The following PDE11A variants were observed in gnomAD, a reference collection of about 807,000 sequenced individuals.
PDE11A encodes phosphodiesterase 11A.
Under a neutral mutation model 100.5 loss-of-function variants are expected in PDE11A, and 100 were observed. The observed-to-expected ratio is 1.00, with a 90% confidence interval of 0.85 to 1.18. The LOEUF (loss-of-function observed/expected upper bound fraction) is 1.18. PDE11A is among the 50% of genes most tolerant of loss of function. PDE11A has a pLI of 0.00. For missense variants in PDE11A, 1,141 were observed against 1,152.6 expected, an observed-to-expected ratio of 0.99 and a Z score of 0.15; for synonymous variants, 381 against 420.8, an observed-to-expected ratio of 0.91 and a Z score of 1.16.
intron 17 of PDE11A, among the ~76,000 whole-genome samples, chr2:177,672,276 T>A (rs1384270437): frequency 6.6e-6 from 1 of 152,220 alleles, no homozygotes; most frequent in Non-Finnish European, 1.5e-5. Flanking sequence ...ACACTGAAAT[T>A]TAAACCAAAG....
At position 177,817,890 on chromosome 2, in the gene PDE11A, G is replaced by C. The variant is rs759017607; in HGVS notation, c.1612C>G (p.Pro538Ala). Residue 538 changes from proline to alanine, a missense_variant, in exon 8 of 20, where the codon CCT becomes GCT. Physicochemically the swap from Pro to Ala is conservative, Grantham distance 27. Coordinates refer to ENST00000286063, the MANE Select transcript of PDE11A (RefSeq NM_016953.4). The part of the protein sequence containing the change: ...AQVLNRLDGK[P>A]FDDADQRLFE... ...AGTCGTTGATCTGCATCATCAAAAG[G>C]TTTCCCATCAAGTCTGTTTAACACT... The C allele has an allele frequency of 2.6e-6, 4 of 1,550,946 alleles. No individual in the cohort carries two copies. The Admixed American group carries it at 6.7e-5, about 26-fold the overall frequency.
chr2:177,772,713 T>TAAAAA (rs58575142), intron 9 of PDE11A, among the ~76,000 whole-genome samples: 5,050 of 141,422 alleles, frequency 0.036, 326 homozygotes, highest in African/African-American at 0.12. Context: ...TTCCTTTATT[T>TAAAAA]AAAAAAAAAA....
chr2:178,099,584 C>T (rs1442891190), intron 2 of PDE11A, among the ~76,000 whole-genome samples: 1 of 151,676 alleles, frequency 6.6e-6, no homozygotes, highest in Admixed American at 6.6e-5. Flanking sequence ...GCTGTTATCA[C>T]AAAAACAGAA....
intron 9 of PDE11A, among the ~76,000 whole-genome samples, chr2:177,810,364 A>T (rs752887720): frequency 6.6e-6 from 1 of 152,242 alleles, no homozygotes; most frequent in African/African-American, 2.4e-5. Flanking sequence ...TTCAAGGCAC[A>T]TATGTTTCAG....
chr2:177,728,103 C>T lies in PDE11A; in HGVS notation c.1858G>A (p.Val620Ile), dbSNP rs143303102. Reference protein sequence around the residue: ...DIHFDDFSLDVDAMITAALRM... With the variant: ...DIHFDDFSLDIDAMITAALRM... ...AGAGCAGCTGTGATCATGGCATCAA[C>T]GTCGAGAGAAAAGTCATCAAAATGA... Residue 620 changes from valine (V) to isoleucine (I), a missense_variant, in exon 11 of 20, where the codon GTT becomes ATT. Val to Ile is a conservative substitution (Grantham distance 29). Coordinates refer to ENST00000286063, the MANE Select transcript of PDE11A (RefSeq NM_016953.4). 3.3e-5 allele frequency: 53 copies of T among 1,612,176 alleles called. No individual in the cohort carries two copies. Among genetic ancestry groups the T allele is most frequent in the African/African-American group, 4.0e-5 (3 of 74,832 alleles).
intron 2 of PDE11A, among the ~76,000 whole-genome samples, chr2:177,988,928 G>T (rs1185326282): frequency 6.6e-6 from 1 of 152,234 alleles, no homozygotes; most frequent in African/African-American, 2.4e-5. Flanking sequence ...ACTCATCAGG[G>T]TTTCTAGATG....
At chr2:177,970,532 T>A (rs1341118247) in intron 2 of PDE11A, among the ~76,000 whole-genome samples, 4 of 151,650 alleles carry the variant, frequency 2.6e-5, no homozygotes, top group African/African-American at 4.9e-5. Context: ...ATGATGAAAC[T>A]CAGGACACAA....
chr2:177,691,265 C>A (rs911248468), intron 15 of PDE11A, among the ~76,000 whole-genome samples: 4 of 152,098 alleles, frequency 2.6e-5, no homozygotes, highest in African/African-American at 9.7e-5. Context: ...AATTTTCAAC[C>A]CCTGGTGCAC....
At chr2:177,737,421 A>G (rs2081804031) in intron 10 of PDE11A, among the ~76,000 whole-genome samples, 2 of 77,894 alleles carry the variant, frequency 2.6e-5, no homozygotes, top group African/African-American at 7.5e-5. Context: ...TACTAAAAAT[A>G]CACACACACA....
intron 10 of PDE11A, among the ~76,000 whole-genome samples, chr2:177,741,613 T>C (rs922316287): frequency 2.6e-5 from 4 of 152,238 alleles, no homozygotes; most frequent in Non-Finnish European, 5.9e-5. Flanking sequence ...CTTTCTCTCC[T>C]TGGTGCCTTA....
rs576175132 is a variant in PDE11A at position 177,720,640 on chromosome 2, T to A, written c.2043+7018A>T. ...GGACCAACAAACTCACATGTCTCCT[T>A]TACCAGAGTATGCAATGTAACAAGC... On this transcript the variant is annotated intron_variant, in intron 12 of 19. Transcript: ENST00000286063. Among the ~76,000 whole-genome samples the A allele has an allele frequency of 9.2e-5, 14 of 152,276 alleles. No homozygotes were observed. In the South Asian group the frequency reaches 2.7e-3, roughly 29 times the overall value.
chr2:177,815,312 C>A (rs1297826773), intron 9 of PDE11A, among the ~76,000 whole-genome samples: 1 of 152,148 alleles, frequency 6.6e-6, no homozygotes, highest in African/African-American at 2.4e-5. Flanking sequence ...TGCTTCATCT[C>A]ATTTAATTCT....
chr2:178,107,645 T>C (rs531551820), intron 1 of PDE11A, among the ~76,000 whole-genome samples: 1 of 152,038 alleles, frequency 6.6e-6, no homozygotes, highest in South Asian at 2.1e-4. Flanking sequence ...TTGTTTACGG[T>C]CACAGATTGG....
chr2:177,755,669 C>T (rs564024686), intron 10 of PDE11A, among the ~76,000 whole-genome samples: 1 of 152,310 alleles, frequency 6.6e-6, no homozygotes, highest in African/African-American at 2.4e-5. Flanking sequence ...CCAAGTGGGC[C>T]AAGCGGACCA....
chr2:177,981,031 G>C (rs1346815946), intron 2 of PDE11A, among the ~76,000 whole-genome samples: 2 of 147,356 alleles, frequency 1.4e-5, no homozygotes, highest in Non-Finnish European at 3.0e-5. Flanking sequence ...GCAGAAGGTA[G>C]AGTTAAACCA....
chr2:177,912,353 C>G (rs2084892923), intron 2 of PDE11A, among the ~76,000 whole-genome samples: 1 of 152,102 alleles, frequency 6.6e-6, no homozygotes, highest in African/African-American at 2.4e-5. Context: ...CTAGTGTTGG[C>G]TAAAATATCC....
chr2:177,893,403 G>T (rs2084561547), intron 4 of PDE11A, among the ~76,000 whole-genome samples: 1 of 152,104 alleles, frequency 6.6e-6, no homozygotes, highest in African/African-American at 2.4e-5. Context: ...CTCCTGAGTA[G>T]CTGGGACTGT....
At chr2:177,964,483 A>G (rs1334565894) in intron 2 of PDE11A, among the ~76,000 whole-genome samples, 1 of 152,072 alleles carries the variant, frequency 6.6e-6, no homozygotes, top group African/African-American at 2.4e-5. Context: ...TTATTTAATC[A>G]CCCAGGTAAT....
At chr2:177,722,064 C>T (rs889316951) in intron 12 of PDE11A, among the ~76,000 whole-genome samples, 3 of 151,992 alleles carry the variant, frequency 2.0e-5, no homozygotes, top group Non-Finnish European at 4.4e-5. Context: ...ATTTGGCTGG[C>T]GTCATAAAAC....
Sources: allele counts gnomAD v4.1 joint callset (sites outside exome capture counted in the v4.1 genomes callset), GRCh38; gene constraint gnomAD v4.1.1; transcripts MANE v1.5; gene names NCBI Gene and HGNC (gene_info 2026-07-23, HGNC 2026-07-21).